SCGB1C1: variants seen among roughly 807,000 people sequenced by gnomAD.
SCGB1C1 encodes secretoglobin family 1C member 1, also known as ligand binding protein RYD5.
In SCGB1C1, 2 loss-of-function variants were observed where a neutral mutation model predicts 8.9. The observed-to-expected ratio is 0.23, with a 90% CI of 0.09 to 0.71. SCGB1C1 has a LOEUF of 0.71. Ranked by LOEUF, SCGB1C1 falls within the 30% of genes least tolerant of loss-of-function variation. SCGB1C1 has a pLI of 0.78. For synonymous variants in SCGB1C1, 6 were observed against 45.8 expected, an observed-to-expected ratio of 0.13 and a Z score of 3.51; for missense variants, 25 against 112.7, an observed-to-expected ratio of 0.22 and a Z score of 3.52.
At chr11:189,442 G>T (rs1389214145), upstream of SCGB1C1, among the ~76,000 whole-genome samples, 3 of 124,458 alleles carry the variant, frequency 2.4e-5, no homozygotes, top group East Asian at 6.1e-4. Flanking sequence ...CGCCGGCGCA[G>T]GCGCACAGAG....
At chr11:191,893 CCCCTAA>C (rs1854819450), upstream of SCGB1C1, among the ~76,000 whole-genome samples, 1 of 48,524 alleles carries the variant, frequency 2.1e-5, no homozygotes, top group Non-Finnish European at 4.6e-5. Context: ...CTAACCCCTA[CCCCTAA>C]CCCCTAACCC....
At chr11:192,102 A>G (rs796583069), upstream of SCGB1C1, among the ~76,000 whole-genome samples, 7 of 151,232 alleles carry the variant, frequency 4.6e-5, no homozygotes, top group East Asian at 7.8e-4. Context: ...GAGTCGTTCA[A>G]TGTAACAAGG....
At chr11:190,013 C>T (rs371664440), upstream of SCGB1C1, among the ~76,000 whole-genome samples, 570 of 147,330 alleles carry the variant, frequency 3.9e-3, no homozygotes, top group Middle Eastern at 0.027. Context: ...CTCTTCTGGC[C>T]GCTGGGGGCA....
chr11:189,594 G>C (rs1383310281), upstream of SCGB1C1, among the ~76,000 whole-genome samples: 1 of 152,260 alleles, frequency 6.6e-6, no homozygotes, highest in Admixed American at 6.5e-5. Context: ...CGCGCCACCG[G>C]GACGAGAGCG....
At chr11:193,194 T>TGG in intron 1 of SCGB1C1, 40 bp downstream of exon 1, 7 of 251,094 alleles carry the variant, frequency 2.8e-5, no homozygotes, top group African/African-American at 5.9e-5. Flanking sequence ...CATTCAGGGG[T>TGG]GGGGGGGAGT....
chr11:194,509 C>T lies in SCGB1C1; in HGVS notation c.*59C>T, dbSNP rs370705073. 3.9e-5 allele frequency: 23 copies of T among 584,838 alleles called. No individual in the cohort carries two copies. Among genetic ancestry groups the T allele is most frequent in the Middle Eastern group, 3.8e-4 (1 of 2,600 alleles). 36.2% of individuals were successfully genotyped at this position (584,838 alleles called of 1,614,324 possible). ...GCCACACAAGCAGCCGTGGACACAA[C>T]GCCCACTACCACCTCCCACATGGAA... On this transcript the variant is annotated 3_prime_UTR_variant, in exon 3 of 3. Coordinates refer to ENST00000342878, the MANE Select transcript of SCGB1C1 (RefSeq NM_145651.3).
At chr11:192,017 G>GC (rs1854822473), upstream of SCGB1C1, among the ~76,000 whole-genome samples, 1 of 152,342 alleles carries the variant, frequency 6.6e-6, no homozygotes, top group East Asian at 1.9e-4. Context: ...TAGCCTTAGT[G>GC]CCATCCCCCA....
At chr11:190,366 C>A (rs1365989489), upstream of SCGB1C1, among the ~76,000 whole-genome samples, 5 of 122,772 alleles carry the variant, frequency 4.1e-5, no homozygotes, top group Non-Finnish European at 5.4e-5. Flanking sequence ...CAAACTGAAA[C>A]GGAGCTATTA....
chr11:192,572 G>T (rs1404792394), upstream of SCGB1C1, among the ~76,000 whole-genome samples: 4 of 147,146 alleles, frequency 2.7e-5, no homozygotes, highest in Admixed American at 6.8e-5. Context: ...CCCCCAGGTA[G>T]TCCTACAGCT....
chr11:192,378 A>T (rs1168961271), upstream of SCGB1C1, among the ~76,000 whole-genome samples: 8 of 152,060 alleles, frequency 5.3e-5, no homozygotes, highest in South Asian at 2.1e-4. Context: ...CAGGATAGCA[A>T]CCCCAAGCCC....
At chr11:191,824 CCCCTAACCCTAA>C (rs1159302315), upstream of SCGB1C1, among the ~76,000 whole-genome samples, 513 of 65,230 alleles carry the variant, frequency 7.9e-3, no homozygotes, top group African/African-American at 0.024. Context: ...TAACCCCTAA[CCCCTAACCCTAA>C]CCCTAACCCT....
chr11:190,784 C>T (rs1331335221), upstream of SCGB1C1, among the ~76,000 whole-genome samples: 1 of 152,290 alleles, frequency 6.6e-6, no homozygotes, highest in African/African-American at 2.4e-5. Flanking sequence ...ACGTTTGTAC[C>T]TACTGCGCCT....
chr11:193,516 G>A (rs1460626242), intron 1 of SCGB1C1, among the ~76,000 whole-genome samples, 196 bp from the exon 2 acceptor site: 17 of 152,368 alleles, frequency 1.1e-4, no homozygotes, highest in African/African-American at 4.1e-4. Flanking sequence ...GAGCAGCTAA[G>A]ATTAAGGGGG....
chr11:194,041 A>ATCTTTCTCTCTTGAGG (rs1854873568), intron 2 of SCGB1C1, 130 bp downstream of exon 2: 1 of 655,600 alleles, frequency 1.5e-6, no homozygotes, highest in Non-Finnish European at 2.6e-6. Context: ...CGCATCAGCC[A>ATCTTTCTCTCTTGAGG]GCTCAGGTGG....
At chr11:191,746 C>A (rs1235053071), upstream of SCGB1C1, among the ~76,000 whole-genome samples, 9 of 152,304 alleles carry the variant, frequency 5.9e-5, no homozygotes, top group African/African-American at 2.2e-4. Context: ...AACAAGAACT[C>A]TTTTCATTGC....
upstream of SCGB1C1, among the ~76,000 whole-genome samples, chr11:189,384 T>C (rs1412083375): frequency 1.3e-5 from 2 of 152,296 alleles, no homozygotes; most frequent in East Asian, 1.9e-4. Flanking sequence ...CATGGTCGTG[T>C]CCTTAATCTT....
upstream of SCGB1C1, among the ~76,000 whole-genome samples, chr11:190,655 G>A (rs1339715712): frequency 6.6e-6 from 1 of 152,298 alleles, no homozygotes; most frequent in South Asian, 2.1e-4. Context: ...TCCCCAACTT[G>A]CCCCACTTAG....
upstream of SCGB1C1, among the ~76,000 whole-genome samples, chr11:192,435 C>A (rs556219898): frequency 6.6e-6 from 1 of 151,944 alleles, no homozygotes; most frequent in South Asian, 2.1e-4. Context: ...CAAGCCTGTC[C>A]CATTCCTCAC....
chr11:191,688 T>A (rs1472583426), upstream of SCGB1C1, among the ~76,000 whole-genome samples: 1 of 152,216 alleles, frequency 6.6e-6, no homozygotes. Flanking sequence ...GGTCTATATC[T>A]GTTAGAATTG....
Sources: gnomAD v4.1 joint callset for allele counts (sites outside exome capture counted in the v4.1 genomes callset) on GRCh38, gnomAD v4.1.1 for gene constraint, MANE v1.5 for transcripts, NCBI Gene and HGNC (gene_info 2026-07-23, HGNC 2026-07-21) for gene names.